The following ARHGEF10 variants were observed in gnomAD, a reference collection of about 807,000 sequenced individuals.
ARHGEF10 encodes Rho guanine nucleotide exchange factor 10.
A neutral mutation model predicts 147.4 loss-of-function variants in ARHGEF10; 140 were observed. The observed-to-expected ratio is 0.95, with a 90% CI of 0.83 to 1.09. The LOEUF (loss-of-function observed/expected upper bound fraction) is 1.09, where lower values mean the gene tolerates loss of function less well. Ranked by LOEUF, ARHGEF10 falls within the 50% of genes least tolerant of loss-of-function variation. ARHGEF10 has a pLI of 0.00. For synonymous variants in ARHGEF10, 902 were observed against 695.8 expected, an observed-to-expected ratio of 1.30 and a Z score of -4.67; for missense variants, 2,222 against 1,752.7, an observed-to-expected ratio of 1.27 and a Z score of -4.78.
chr8:1,898,538 C>G lies in ARHGEF10; in HGVS notation c.1650+13C>G. ...CCTCCTGCTCCAGGTAAGTGCTTCA[C>G]GGAGACCTCCTCAAGCTAGTCCTCT... On this transcript the variant is annotated intron_variant, in intron 15 of 28. Transcript: ENST00000349830. 6.2e-7 allele frequency: 1 copy of G among 1,610,230 alleles called. No homozygotes were observed.
At chr8:1,842,951 C>T (rs975723267) in intron 1 of ARHGEF10, among the ~76,000 whole-genome samples, 2 of 152,150 alleles carry the variant, frequency 1.3e-5, no homozygotes, top group South Asian at 2.1e-4. Context: ...TGGAGAGGGC[C>T]GTCAGCGCCG....
At chr8:1,887,743 T>G in intron 11 of ARHGEF10, among the ~76,000 whole-genome samples, 1 of 134,538 alleles carries the variant, frequency 7.4e-6, no homozygotes, top group Non-Finnish European at 1.6e-5. Context: ...GGGATGAGGG[T>G]TTTGAGGAGA....
chr8:1,905,571 C>A lies in ARHGEF10; in HGVS notation c.1822C>A (p.Leu608Ile). ...CCTGGGCTGTGTTTTGAATGTCCAG[C>A]TTCTCAGCAGTGGAAGCCGATACCT... Reference protein sequence around the residue: ...KAINERYLNKLLSSGSRYLIR... With the variant: ...KAINERYLNKILSSGSRYLIR... The change falls in exon 17 of 29, where the codon CTT (leucine) becomes ATT (isoleucine). Residue 608 changes from leucine to isoleucine, a missense_variant and splice_region_variant. Physicochemically the swap from Leu to Ile is conservative, Grantham distance 5 (BLOSUM62 2). Coordinates refer to ENST00000349830, the MANE Select transcript of ARHGEF10 (RefSeq NM_014629.4). The A allele has an allele frequency of 6.2e-7, 1 of 1,614,190 alleles. No individual in the cohort carries two copies. Among genetic ancestry groups the A allele is most frequent in the Non-Finnish European group, 8.5e-7 (1 of 1,180,048 alleles).
intron 18 of ARHGEF10, among the ~76,000 whole-genome samples, chr8:1,917,911 A>T (rs907353815): frequency 1.3e-5 from 2 of 151,252 alleles, no homozygotes; most frequent in Non-Finnish European, 2.9e-5. Flanking sequence ...GAGTAGCTGG[A>T]ACTACTCAGA....
At chr8:1,894,307 A>T in intron 12 of ARHGEF10, 86 bp from the exon 13 acceptor site, 1 of 1,424,534 alleles carries the variant, frequency 7.0e-7, no homozygotes, top group African/African-American at 1.4e-5. Context: ...CCATGATCGC[A>T]CCACTGCGCT....
chr8:1,950,190 C>G (rs927304809), intron 27 of ARHGEF10, among the ~76,000 whole-genome samples: 2 of 152,212 alleles, frequency 1.3e-5, no homozygotes, highest in Non-Finnish European at 2.9e-5. Flanking sequence ...GCCAGCGGAC[C>G]TCACGTGGGC....
At chr8:1,864,327 T>A in intron 4 of ARHGEF10, 46 bp from the exon 5 acceptor site, 1 of 1,593,982 alleles carries the variant, frequency 6.3e-7, no homozygotes, top group South Asian at 1.1e-5. Flanking sequence ...TTCATGAGCA[T>A]TTTTGTCAGG....
chr8:1,900,365 T>A (rs994600615), intron 15 of ARHGEF10, among the ~76,000 whole-genome samples: 2 of 152,098 alleles, frequency 1.3e-5, no homozygotes, highest in Non-Finnish European at 2.9e-5. Context: ...TCGTTGTCCC[T>A]TTTTTATGCG....
intron 2 of ARHGEF10, among the ~76,000 whole-genome samples, chr8:1,848,870 T>C (rs921138694): frequency 5.3e-5 from 8 of 152,236 alleles, no homozygotes; most frequent in Non-Finnish European, 7.3e-5. Flanking sequence ...GCAGTTTTTT[T>C]CCCTGACAAA....
intron 26 of ARHGEF10, among the ~76,000 whole-genome samples, chr8:1,936,182 G>A (rs952851497): frequency 2.0e-5 from 3 of 152,140 alleles, no homozygotes; most frequent in Non-Finnish European, 4.4e-5. Context: ...GATAACACAG[G>A]TGTGTTTTCA....
intron 1 of ARHGEF10, among the ~76,000 whole-genome samples, chr8:1,835,347 C>T (rs921210100): frequency 6.6e-6 from 1 of 152,194 alleles, no homozygotes; most frequent in Non-Finnish European, 1.5e-5. Flanking sequence ...GAGTCGGTGC[C>T]GTCCCTGTGC....
intron 15 of ARHGEF10, among the ~76,000 whole-genome samples, chr8:1,901,183 T>G (rs1289033030): frequency 6.6e-6 from 1 of 152,090 alleles, no homozygotes; most frequent in Non-Finnish European, 1.5e-5. Context: ...GGAGACAGGC[T>G]GCAGAGAGTC....
chr8:1,945,403 T>A, intron 26 of ARHGEF10, 78 bp from the exon 27 acceptor site: 1 of 1,526,650 alleles, frequency 6.6e-7, no homozygotes, highest in Middle Eastern at 1.7e-4. Context: ...GCGCTCCAGC[T>A]GGACGCCACG....
chr8:1,912,192 G>A (rs918914866), intron 18 of ARHGEF10, among the ~76,000 whole-genome samples: 2 of 150,710 alleles, frequency 1.3e-5, no homozygotes, highest in Non-Finnish European at 3.0e-5. Flanking sequence ...TGTGTTTGCC[G>A]TGTGGTGTTA....
intron 17 of ARHGEF10, 109 bp from the exon 18 acceptor site, chr8:1,909,186 G>T: frequency 2.8e-6 from 4 of 1,454,018 alleles, no homozygotes; most frequent in Non-Finnish European, 3.8e-6. Flanking sequence ...AGTCTGAAGA[G>T]TTACAATTCA....
rs78002118 is a variant in ARHGEF10 at position 1,886,382 on chromosome 8, T to C, written c.1182+675T>C. Among the ~76,000 whole-genome samples the C allele has an allele frequency of 4.4e-3, 666 of 152,198 alleles. 5 individuals carry two copies. Among genetic ancestry groups the C allele is most frequent in the African/African-American group, 0.015 (610 of 41,528 alleles). ...GGCAGACATATGTGTAATCCACGGATCTGGGGAGATCCCTGATACAGGTAG... is the reference window on the plus strand; with the variant it reads ...GGCAGACATATGTGTAATCCACGGACCTGGGGAGATCCCTGATACAGGTAG... On this transcript the variant is annotated intron_variant, in intron 11 of 28. Coordinates refer to ENST00000349830, the MANE Select transcript of ARHGEF10 (RefSeq NM_014629.4).
At chr8:1,912,797 A>G (rs769955862) in intron 18 of ARHGEF10, among the ~76,000 whole-genome samples, 2 of 152,054 alleles carry the variant, frequency 1.3e-5, no homozygotes, top group Non-Finnish European at 2.9e-5. Flanking sequence ...CCCTGATGCT[A>G]TTTTGAAAAA....
At chr8:1,870,425 C>G (rs571709845) in intron 7 of ARHGEF10, 1 of 151,986 alleles carries the variant, frequency 6.6e-6, no homozygotes, top group African/African-American at 2.4e-5. Context: ...AAAATAAGTA[C>G]AAACATATTG....
chr8:1,839,357 G>T (rs1450147375), intron 1 of ARHGEF10, among the ~76,000 whole-genome samples: 6 of 134,966 alleles, frequency 4.4e-5, no homozygotes, highest in Non-Finnish European at 6.4e-5. Flanking sequence ...TCTGGTGTGG[G>T]GACTGTCTGG....
Sources: gnomAD v4.1 joint callset for allele counts (sites outside exome capture counted in the v4.1 genomes callset) on GRCh38, gnomAD v4.1.1 for gene constraint, MANE v1.5 for transcripts, NCBI Gene and HGNC (gene_info 2026-07-23, HGNC 2026-07-21) for gene names.